The following HPSE2 variants were observed in gnomAD, a reference collection of about 807,000 sequenced individuals.
The protein encoded by HPSE2 is inactive heparanase-2.
Under a neutral mutation model 60.5 loss-of-function variants are expected in HPSE2, and 38 were observed. That is an observed-to-expected ratio of 0.63 (90% CI 0.48 to 0.82). The LOEUF is 0.82. Ranked by LOEUF, HPSE2 falls within the 40% of genes least tolerant of loss-of-function variation. The pLI is 0.00. For synonymous variants in HPSE2, 295 were observed against 293.2 expected, an observed-to-expected ratio of 1.01 and a Z score of -0.06; for missense variants, 713 against 740.4, an observed-to-expected ratio of 0.96 and a Z score of 0.43.
intron 3 of HPSE2, among the ~76,000 whole-genome samples, chr10:98,872,455 T>A (rs1038790621): frequency 6.6e-6 from 1 of 152,118 alleles, no homozygotes; most frequent in Admixed American, 6.6e-5. Context: ...ACTTAGGATC[T>A]TTTCTATTGT....
rs1590097233 is a variant in HPSE2 at position 98,928,944 on chromosome 10, T to C, written c.611-184888A>G. ...CATAGCACATGTATACATATGTAAC[T>C]AACCTGCACATTGTGCACATGTACC... On this transcript the variant is annotated intron_variant, in intron 3 of 11. Coordinates refer to ENST00000370552, the MANE Select transcript of HPSE2 (RefSeq NM_021828.5). Among the ~76,000 whole-genome samples the C allele has an allele frequency of 2.8e-5, 4 of 140,772 alleles. No homozygotes were observed. The Admixed American group carries it at 2.8e-4, about 10-fold the overall frequency. 92.4% of individuals were successfully genotyped at this position (140,772 alleles called of 152,430 possible). A position where few individuals can be genotyped will look rare whatever the true frequency, so the allele number is the denominator to read the frequency against.
chr10:99,106,399 T>C (rs2135665618), intron 3 of HPSE2, among the ~76,000 whole-genome samples: 1 of 152,204 alleles, frequency 6.6e-6, no homozygotes, highest in South Asian at 2.1e-4. Flanking sequence ...AATGTTGGGT[T>C]TTATCAAATG....
chr10:99,141,608 G>A (rs1198999961), intron 3 of HPSE2, among the ~76,000 whole-genome samples: 1 of 152,132 alleles, frequency 6.6e-6, no homozygotes, highest in Non-Finnish European at 1.5e-5. Flanking sequence ...ACTAACAATT[G>A]TAGAGTTGTT....
intron 3 of HPSE2, among the ~76,000 whole-genome samples, chr10:99,127,920 G>A (rs1564828932): frequency 1.3e-5 from 2 of 151,424 alleles, no homozygotes; most frequent in South Asian, 2.1e-4. Flanking sequence ...GACAGATAAA[G>A]TCTTTTTCAG....
At chr10:99,179,742 G>T (rs1448975324) in intron 2 of HPSE2, among the ~76,000 whole-genome samples, 1 of 111,442 alleles carries the variant, frequency 9.0e-6, no homozygotes, top group East Asian at 2.9e-4. Context: ...TTTCTTCACA[G>T]AATGAGAAAA....
At position 98,573,904 on chromosome 10, in the gene HPSE2, T is replaced by C. The variant is rs114711110; in HGVS notation, c.1320+41000A>G. 8.3e-3 allele frequency among the ~76,000 whole-genome samples: 1,266 copies of C among 152,264 alleles called. 16 individuals carry two copies. The highest frequency in any genetic ancestry group is 0.029 in the African/African-American group (1,211 of 41,520). ...AGCTGTATTGAGATATAATTCACAT[T>C]CCATGTAATTCACCTATTAAAGTGT... is the stretch of plus-strand genomic sequence containing the variant. On this transcript the variant is annotated intron_variant, in intron 9 of 11. Transcript: ENST00000370552.
intron 3 of HPSE2, among the ~76,000 whole-genome samples, chr10:98,752,496 C>T (rs1480111763): frequency 1.3e-5 from 2 of 152,128 alleles, no homozygotes; most frequent in East Asian, 3.9e-4. Flanking sequence ...TATAAATACT[C>T]TTCATTGCTT....
At chr10:98,522,850 T>C (rs1942843240) in intron 9 of HPSE2, among the ~76,000 whole-genome samples, 1 of 152,234 alleles carries the variant, frequency 6.6e-6, no homozygotes, top group Admixed American at 6.5e-5. Flanking sequence ...CATCTTATCC[T>C]GAGTCTTGCA....
At chr10:98,828,152 A>C (rs943100176) in intron 3 of HPSE2, among the ~76,000 whole-genome samples, 6 of 138,204 alleles carry the variant, frequency 4.3e-5, no homozygotes, top group Admixed American at 4.1e-4. Context: ...ATAAATCTCT[A>C]TCTCTCTGTC....
At position 98,974,994 on chromosome 10, in the gene HPSE2, T is replaced by A. The variant is rs1293517626; in HGVS notation, c.610+169244A>T. On this transcript the variant is annotated intron_variant, in intron 3 of 11. Transcript: ENST00000370552. ...TTATTCTAGTATTCAATATAGCAGA[T>A]GAAATGTGGGATTTATCATCTTTGA... Among the ~76,000 whole-genome samples, 3 of 152,224 alleles carry A rather than the reference T, an allele frequency of 2.0e-5. No homozygotes were observed. In the East Asian group the frequency reaches 5.8e-4, roughly 29 times the overall value.
chr10:98,484,582 G>A (rs962934462), intron 10 of HPSE2, among the ~76,000 whole-genome samples: 1 of 152,196 alleles, frequency 6.6e-6, no homozygotes, highest in Non-Finnish European at 1.5e-5. Context: ...ATTTATTAAA[G>A]AGCAGTCTTT....
At chr10:99,237,755 G>A (rs1274575947), upstream of HPSE2, among the ~76,000 whole-genome samples, 1 of 152,200 alleles carries the variant, frequency 6.6e-6, no homozygotes, top group Non-Finnish European at 1.5e-5. Flanking sequence ...GTGTATGGGT[G>A]TGTGGTGTGA....
chr10:98,933,877 G>T (rs567757102), intron 3 of HPSE2, among the ~76,000 whole-genome samples: 6 of 140,742 alleles, frequency 4.3e-5, no homozygotes, highest in Admixed American at 2.1e-4. Context: ...GACTACAGGC[G>T]CCCACCACCA....
At chr10:98,485,850 C>T (rs1032317194) in intron 10 of HPSE2, among the ~76,000 whole-genome samples, 3 of 151,888 alleles carry the variant, frequency 2.0e-5, no homozygotes, top group Non-Finnish European at 2.9e-5. Flanking sequence ...AGTTTCTCCT[C>T]TGCAGAGCTG....
intron 9 of HPSE2, among the ~76,000 whole-genome samples, chr10:98,596,767 C>T (rs751665798): frequency 2.0e-5 from 3 of 152,164 alleles, no homozygotes; most frequent in Middle Eastern, 3.4e-3. Context: ...TTTTTTCTTG[C>T]TGCTTTCAAT....
intron 5 of HPSE2, among the ~76,000 whole-genome samples, chr10:98,707,376 A>G (rs1395489967): frequency 1.3e-5 from 2 of 152,212 alleles, no homozygotes; most frequent in Non-Finnish European, 2.9e-5. Flanking sequence ...TGGACAGGCA[A>G]TTCAGAACAT....
At chr10:99,132,230 AGAGAGAG>A (rs1845461512) in intron 3 of HPSE2, among the ~76,000 whole-genome samples, 2 of 49,906 alleles carry the variant, frequency 4.0e-5, no homozygotes, top group Non-Finnish European at 7.3e-5. Context: ...AGAGAGAGAG[AGAGAGAG>A]AGAGAGAAAG....
At chr10:99,122,824 T>C (rs1177991944) in intron 3 of HPSE2, among the ~76,000 whole-genome samples, 1 of 152,064 alleles carries the variant, frequency 6.6e-6, no homozygotes, top group Non-Finnish European at 1.5e-5. Flanking sequence ...GAAAAGTAAT[T>C]ATATGGGAAT....
intron 3 of HPSE2, among the ~76,000 whole-genome samples, chr10:98,775,728 C>G (rs183776229): frequency 6.6e-6 from 1 of 152,030 alleles, no homozygotes; most frequent in East Asian, 1.9e-4. Flanking sequence ...TATTGTAGTC[C>G]GAAATTTAAA....
Sources: allele counts gnomAD v4.1 joint callset (sites outside exome capture counted in the v4.1 genomes callset), GRCh38; gene constraint gnomAD v4.1.1; transcripts MANE v1.5; gene names NCBI Gene and HGNC (gene_info 2026-07-23, HGNC 2026-07-21).